TMCO5A: variants seen among roughly 807,000 people sequenced by gnomAD.
The protein encoded by TMCO5A is transmembrane and coiled-coil domains 5A.
A neutral mutation model predicts 42.3 loss-of-function variants in TMCO5A; 34 were observed. That is an observed-to-expected ratio of 0.80 (90% confidence interval 0.61 to 1.07). The LOEUF (loss-of-function observed/expected upper bound fraction) is 1.07, where lower values mean the gene tolerates loss of function less well. TMCO5A is among the 50% of genes least tolerant of loss of function. The pLI, the probability that TMCO5A is intolerant of heterozygous loss-of-function variation, is 0.00. For missense variants in TMCO5A, 357 were observed against 327.9 expected, an observed-to-expected ratio of 1.09 and a Z score of -0.69; for synonymous variants, 131 against 115.6, an observed-to-expected ratio of 1.13 and a Z score of -0.86.
At chr15:38,016,116 A>G in the TMCO5A span, among the ~76,000 whole-genome samples, 2 of 152,098 alleles carry the variant, frequency 1.3e-5, no homozygotes, top group South Asian at 4.2e-4. Context: ...ATGCACCCCT[A>G]TGGTGGGGGG....
At chr15:38,030,868 T>C in the TMCO5A span, among the ~76,000 whole-genome samples, 1 of 152,170 alleles carries the variant, frequency 6.6e-6, no homozygotes, top group Admixed American at 6.5e-5. Context: ...TTGCCCAAAA[T>C]GAGTTATATG....
intron 11 of TMCO5A, among the ~76,000 whole-genome samples, chr15:37,958,318 AG>A (rs745700658): frequency 6.6e-6 from 1 of 152,196 alleles, no homozygotes; most frequent in Non-Finnish European, 1.5e-5. Context: ...ACAGAATGGG[AG>A]AAAATTTTTG....
intron 11 of TMCO5A, among the ~76,000 whole-genome samples, chr15:37,959,733 C>G (rs1484634546): frequency 6.6e-6 from 1 of 151,960 alleles, no homozygotes; most frequent in Non-Finnish European, 1.5e-5. Context: ...TAGTATCATA[C>G]TGAATAAGGA....
chr15:38,037,530 G>A, the TMCO5A span, among the ~76,000 whole-genome samples: 25 of 152,262 alleles, frequency 1.6e-4, no homozygotes, highest in African/African-American at 5.3e-4. Flanking sequence ...GAGCAACCAA[G>A]ATAGTACTTG....
the TMCO5A span, among the ~76,000 whole-genome samples, chr15:38,032,957 T>C: frequency 6.9e-6 from 1 of 144,508 alleles, no homozygotes; most frequent in Non-Finnish European, 1.5e-5. Context: ...AGACGGAGTC[T>C]CGCCTTGTCG....
the TMCO5A span, among the ~76,000 whole-genome samples, chr15:37,975,291 CT>C: frequency 6.6e-5 from 10 of 152,136 alleles, no homozygotes; most frequent in Admixed American, 6.5e-4. Flanking sequence ...TCCCAAATAT[CT>C]TTGTTAGTTT....
chr15:37,944,801 CTG>C (rs375180067), intron 10 of TMCO5A, among the ~76,000 whole-genome samples: 2 of 152,174 alleles, frequency 1.3e-5, no homozygotes, highest in African/African-American at 4.8e-5. Context: ...AATGAAATAA[CTG>C]AGAAAATATT....
the TMCO5A span, among the ~76,000 whole-genome samples, chr15:38,011,438 C>T: frequency 6.6e-6 from 1 of 152,126 alleles, no homozygotes; most frequent in Non-Finnish European, 1.5e-5. Context: ...GAAGTCAACA[C>T]CTTTTTAAAC....
the TMCO5A span, among the ~76,000 whole-genome samples, chr15:37,994,037 T>C: frequency 6.6e-6 from 1 of 152,182 alleles, no homozygotes; most frequent in Non-Finnish European, 1.5e-5. Context: ...ATCCTCGACT[T>C]AATCTAGTTT....
chr15:37,982,568 ATAT>A, the TMCO5A span, among the ~76,000 whole-genome samples: 5 of 119,452 alleles, frequency 4.2e-5, no homozygotes, highest in African/African-American at 2.0e-4. Context: ...AATTGTTTAT[ATAT>A]TATTTAATAT....
the TMCO5A span, among the ~76,000 whole-genome samples, chr15:38,019,757 C>T: frequency 2.6e-5 from 4 of 151,390 alleles, no homozygotes; most frequent in African/African-American, 7.3e-5. Context: ...ACAGGCAGTG[C>T]CACTATGTCT....
At chr15:37,960,574 G>C (rs1284319559) in intron 11 of TMCO5A, among the ~76,000 whole-genome samples, 1 of 152,046 alleles carries the variant, frequency 6.6e-6, no homozygotes, top group Non-Finnish European at 1.5e-5. Flanking sequence ...TCAAATGGTA[G>C]TTCTACTTTT....
chr15:38,034,438 G>A, the TMCO5A span, among the ~76,000 whole-genome samples: 7 of 152,252 alleles, frequency 4.6e-5, no homozygotes, highest in African/African-American at 7.2e-5. Context: ...GAGCACAGAG[G>A]AGAAAATGCA....
At chr15:38,000,245 G>C in the TMCO5A span, among the ~76,000 whole-genome samples, 1 of 152,030 alleles carries the variant, frequency 6.6e-6, no homozygotes, top group Non-Finnish European at 1.5e-5. Flanking sequence ...GATTCAATCT[G>C]GGTAGGTTGT....
At chr15:38,018,119 A>C in the TMCO5A span, among the ~76,000 whole-genome samples, 1 of 152,302 alleles carries the variant, frequency 6.6e-6, no homozygotes, top group South Asian at 2.1e-4. Flanking sequence ...AAAATGGACT[A>C]ATACACCTGC....
intron 6 of TMCO5A, among the ~76,000 whole-genome samples, chr15:37,940,503 A>ACCACCTC (rs1442746165): frequency 6.6e-6 from 1 of 152,058 alleles, no homozygotes; most frequent in African/African-American, 2.4e-5. Context: ...CCAACCACCT[A>ACCACCTC]CCACCTCCTC....
chr15:37,972,918 T>A, the TMCO5A span, among the ~76,000 whole-genome samples: 1 of 152,210 alleles, frequency 6.6e-6, no homozygotes, highest in East Asian at 1.9e-4. Context: ...AGGTTTTACA[T>A]ACAAGTCTCT....
chr15:38,036,413 A>G, the TMCO5A span, among the ~76,000 whole-genome samples: 1 of 151,752 alleles, frequency 6.6e-6, no homozygotes, highest in Admixed American at 6.6e-5. Context: ...CCAGCCTACA[A>G]CATCCTTCTC....
chr15:38,004,456 G>A, the TMCO5A span, among the ~76,000 whole-genome samples: 8 of 152,252 alleles, frequency 5.3e-5, no homozygotes, highest in Admixed American at 5.2e-4. Context: ...GATTTGCCCA[G>A]GAATTGCAGT....
Sources: gnomAD v4.1 joint callset for allele counts (sites outside exome capture counted in the v4.1 genomes callset) on GRCh38, gnomAD v4.1.1 for gene constraint, MANE v1.5 for transcripts, NCBI Gene and HGNC (gene_info 2026-07-23, HGNC 2026-07-21) for gene names.